Variants in NCKAP1 observed in about 807,000 individuals in gnomAD.
NCKAP1 encodes the protein NCK associated protein 1.
NCKAP1 carries 21 observed loss-of-function variants against 151.2 expected under a neutral mutation model. The observed-to-expected ratio is 0.14, with a 90% confidence interval of 0.10 to 0.20. The LOEUF (loss-of-function observed/expected upper bound fraction) is 0.20, where lower values mean the gene tolerates loss of function less well. NCKAP1 is among the 10% of genes least tolerant of loss of function. The pLI is 1.00. For synonymous variants in NCKAP1, 484 were observed against 451.8 expected, an observed-to-expected ratio of 1.07 and a Z score of -0.90; for missense variants, 933 against 1,352.1, an observed-to-expected ratio of 0.69 and a Z score of 4.86.
At chr2:182,999,749 C>T (rs1698342642) in intron 6 of NCKAP1, among the ~76,000 whole-genome samples, 1 of 152,172 alleles carries the variant, frequency 6.6e-6, no homozygotes, top group Non-Finnish European at 1.5e-5. Context: ...ATGGAATCAA[C>T]CCAGGTGCCC....
At position 182,924,268 on chromosome 2, in the gene NCKAP1, CTA is replaced by C. The variant is rs1696598512; in HGVS notation, c.*1432_*1433del. On this transcript the variant is annotated 3_prime_UTR_variant, in exon 31 of 31. Coordinates refer to ENST00000361354, the MANE Select transcript of NCKAP1 (RefSeq NM_013436.5). The stretch of plus-strand genomic sequence containing the variant: ...TAGTACTTCAATTTCATTCTACTCT[CTA>C]TGTTTGAAGAAAGAAAAACATTATA... 6.6e-6 allele frequency: 1 copy of C among 152,194 alleles called. No homozygotes were observed. Among genetic ancestry groups the C allele is most frequent in the Non-Finnish European group, 1.5e-5 (1 of 68,038 alleles). 9.4% of individuals were successfully genotyped at this position (152,194 alleles called of 1,614,324 possible).
intron 24 of NCKAP1, among the ~76,000 whole-genome samples, chr2:182,939,003 A>G (rs186210473): frequency 2.4e-3 from 362 of 152,326 alleles, no homozygotes; most frequent in Non-Finnish European, 4.0e-3. Flanking sequence ...AAGTACTGCT[A>G]AAGTAAAGAT....
intron 2 of NCKAP1, 105 bp downstream of exon 2, chr2:183,023,701 A>C (rs1698837294): frequency 1.1e-6 from 1 of 871,230 alleles, no homozygotes; most frequent in Admixed American, 2.4e-5. Flanking sequence ...TGTATATCAA[A>C]ATGTTAAAAA....
chr2:182,917,363 A>G lies in NCKAP1; in HGVS notation c.*8339T>C, dbSNP rs978983587. ...ATTACTGCATAAACATAAGATCAGC[A>G]TATATGCGGCAACACAGCACAGTGG... On this transcript the variant is annotated 3_prime_UTR_variant, in exon 31 of 31. Transcript: ENST00000361354. The G allele has an allele frequency of 2.0e-5, 3 of 152,208 alleles. No homozygotes were observed. The highest frequency in any genetic ancestry group is 7.2e-5 in the African/African-American group (3 of 41,458). The allele number at this position is 152,208 out of a possible 1,614,324, so 9.4% of individuals were successfully genotyped here.
chr2:182,930,769 T>G lies in NCKAP1; in HGVS notation c.2879A>C (p.Glu960Ala), dbSNP rs1559070178. The part of the protein sequence containing the change: ...TDMKVAMNVY[E>A]LSSAAGLPCE... The stretch of plus-strand genomic sequence containing the variant: ...AGGTAATCCGGCAGCTGATGATAAC[T>G]CATACACATTCATTGCAACCTGATA... Residue 960 changes from glutamate (E) to alanine (A), a missense_variant, in exon 27 of 31, where the codon GAG (glutamate) becomes GCG (alanine). Around this residue, in one of 2 missense-constraint regions of NCKAP1, gnomAD observed 326 missense variants for 557.1 expected, o/e 0.59. Transcript: ENST00000361354. The G allele has an allele frequency of 6.2e-7, 1 of 1,613,096 alleles. No individual in the cohort carries two copies. The highest frequency in any genetic ancestry group is 8.5e-7 in the Non-Finnish European group (1 of 1,179,176).
At position 182,928,208 on chromosome 2, in the gene NCKAP1, T is replaced by C. The variant is rs1488407698; in HGVS notation, c.3089A>G (p.His1030Arg). The change falls in exon 29 of 31, where the codon CAT becomes CGT. Residue 1030 changes from histidine (H) to arginine (R), a missense_variant. Around this residue, in one of 2 missense-constraint regions of NCKAP1, gnomAD observed 326 missense variants for 557.1 expected, o/e 0.59. Transcript: ENST00000361354. ...CTGGTTGATGGCTTTGGCCAAGCAA[T>C]GTATGTTGTTGCAATGCCCTGAGAA... Reference protein sequence around the residue: ...PAIEGHCNNIHCLAKAINQIA... With the variant: ...PAIEGHCNNIRCLAKAINQIA... 1 of 1,611,464 alleles carries C rather than the reference T, an allele frequency of 6.2e-7. No individual in the cohort carries two copies.
intron 1 of NCKAP1, among the ~76,000 whole-genome samples, chr2:183,033,609 A>G (rs1699046277): frequency 6.6e-6 from 1 of 152,268 alleles, no homozygotes; most frequent in African/African-American, 2.4e-5. Context: ...GTAAATGAAT[A>G]AATTAAAAGG....
chr2:183,006,690 ATAC>A (rs1698477855), intron 2 of NCKAP1, among the ~76,000 whole-genome samples: 10 of 152,204 alleles, frequency 6.6e-5, no homozygotes, highest in Admixed American at 6.5e-4. Flanking sequence ...GGGAGAGTAG[ATAC>A]TACCAAAAAT....
intron 1 of NCKAP1, among the ~76,000 whole-genome samples, chr2:183,035,674 T>C (rs936887558): frequency 6.6e-6 from 1 of 152,196 alleles, no homozygotes; most frequent in African/African-American, 2.4e-5. Flanking sequence ...ATGTTTCAAT[T>C]CCTAGCCAGC....
At chr2:182,970,128 C>A (rs985723486) in intron 15 of NCKAP1, among the ~76,000 whole-genome samples, 1 of 152,068 alleles carries the variant, frequency 6.6e-6, no homozygotes, top group Non-Finnish European at 1.5e-5. Context: ...AAAAGTCTCC[C>A]ATGAGAGAAA....
chr2:182,962,362 T>G, intron 17 of NCKAP1, 84 bp from the exon 18 acceptor site: 1 of 1,340,068 alleles, frequency 7.5e-7, no homozygotes, highest in African/African-American at 1.5e-5. Flanking sequence ...ACATGGAAAA[T>G]TAGGCTAAAG....
intron 23 of NCKAP1, among the ~76,000 whole-genome samples, chr2:182,944,286 T>TA (rs2105813721): frequency 6.6e-6 from 1 of 152,218 alleles, no homozygotes; most frequent in African/African-American, 2.4e-5. Context: ...AAGATTTTTT[T>TA]TAAAAAAAAG....
At chr2:183,019,639 G>A (rs1698758853) in intron 2 of NCKAP1, among the ~76,000 whole-genome samples, 2 of 152,004 alleles carry the variant, frequency 1.3e-5, no homozygotes, top group Admixed American at 1.3e-4. Flanking sequence ...AAAAATACTT[G>A]GCTTAATCTG....
intron 8 of NCKAP1, among the ~76,000 whole-genome samples, chr2:182,989,517 G>A (rs1006462387): frequency 1.3e-5 from 2 of 152,120 alleles, no homozygotes; most frequent in African/African-American, 4.8e-5. Context: ...ACATAATGCA[G>A]TAATCATTAC....
Position 182,957,357 on chromosome 2 carries a change from T to C in NCKAP1, c.2021+100A>G, listed in dbSNP as rs866969254. 1.6e-5 allele frequency: 19 copies of C among 1,193,164 alleles called. 2 individuals are homozygous for C. In the Middle Eastern group the frequency reaches 3.3e-3, roughly 210 times the overall value. The allele number at this position is 1,193,164 out of a possible 1,614,324, so 73.9% of individuals were successfully genotyped here. On this transcript the variant is annotated intron_variant, in intron 19 of 30. Coordinates refer to ENST00000361354, the MANE Select transcript of NCKAP1 (RefSeq NM_013436.5). ...TTTAAAATGGCTGGAAAATGAAGAA[T>C]ATACAATTATTAGCATTTCCTCAGT...
chr2:182,952,612 T>C, intron 22 of NCKAP1, 110 bp from the exon 23 acceptor site: 1 of 1,104,272 alleles, frequency 9.1e-7, no homozygotes, highest in South Asian at 1.8e-5. Flanking sequence ...AAAATCCTGA[T>C]AAAAGTCTCT....
intron 1 of NCKAP1, among the ~76,000 whole-genome samples, chr2:183,036,024 A>C (rs3791246): frequency 0.11 from 16,606 of 152,198 alleles, 1,359 homozygotes; most frequent in African/African-American, 0.22. Context: ...CGTTTCAATA[A>C]ATCAAAATAT....
At chr2:183,013,392 C>T (rs1205212781) in intron 2 of NCKAP1, among the ~76,000 whole-genome samples, 2 of 152,134 alleles carry the variant, frequency 1.3e-5, no homozygotes, top group Non-Finnish European at 2.9e-5. Context: ...TCTCTCACCC[C>T]ATTATATCTT....
intron 16 of NCKAP1, among the ~76,000 whole-genome samples, chr2:182,966,614 C>T (rs1423460413): frequency 6.6e-6 from 1 of 152,098 alleles, no homozygotes; most frequent in East Asian, 1.9e-4. Context: ...CTGATCACAA[C>T]TAAGTTGACT....
Sources: gnomAD v4.1 joint callset for allele counts (sites outside exome capture counted in the v4.1 genomes callset) on GRCh38, gnomAD v4.1.1 for gene constraint, gnomAD v4.1.1 regional missense constraint, MANE v1.5 for transcripts, NCBI Gene and HGNC (gene_info 2026-07-23, HGNC 2026-07-21) for gene names.